The following FETUB variants were observed in gnomAD, a reference collection of about 807,000 sequenced individuals.
FETUB encodes the protein fetuin-B.
In FETUB, 28 loss-of-function variants were observed where a neutral mutation model predicts 30.9. The ratio of observed to expected loss-of-function variants is 0.90; its 90% CI spans 0.67 to 1.24. The LOEUF (loss-of-function observed/expected upper bound fraction) is 1.24. FETUB is among the 50% of genes most tolerant of loss of function. FETUB has a pLI of 0.00. For missense variants in FETUB, 469 were observed against 455.3 expected (o/e 1.03, Z -0.27); for synonymous variants, 186 against 175.9 (o/e 1.06, Z -0.45).
chr3:186,646,468 G>C (rs1394902841), intron 5 of FETUB, 119 bp downstream of exon 5: 17 of 752,532 alleles, frequency 2.3e-5, no homozygotes, highest in Non-Finnish European at 3.9e-5. Flanking sequence ...TCCCCTCAAG[G>C]AGCATCTGAC....
Position 186,651,463 on chromosome 3 carries a change from C to G in FETUB, c.780+162C>G, listed in dbSNP as rs1054291286. The stretch of plus-strand genomic sequence containing the variant: ...ATCCACAGGATAGCCAGTCAAAGAC[C>G]TGTTATGCCTTGTTTCAGTCGCAAT... On this transcript the variant is annotated intron_variant, in intron 6 of 6. Transcript: ENST00000265029. 9.7e-6 allele frequency: 6 copies of G among 619,404 alleles called. No homozygotes were observed. The South Asian group carries it at 1.1e-4, about 12-fold the overall frequency. 38.4% of individuals were successfully genotyped at this position (619,404 alleles called of 1,614,324 possible). A position where few individuals can be genotyped will look rare whatever the true frequency, so the allele number is the denominator to read the frequency against.
At chr3:186,646,730 T>C (rs926432246) in intron 5 of FETUB, among the ~76,000 whole-genome samples, 2 of 152,198 alleles carry the variant, frequency 1.3e-5, no homozygotes, top group Non-Finnish European at 2.9e-5. Flanking sequence ...AAGTATGCCT[T>C]GAAGTCATCT....
chr3:186,640,987 A>G (rs1021678959), intron 1 of FETUB, 43 bp from the exon 2 acceptor site: 2 of 1,292,472 alleles, frequency 1.5e-6, no homozygotes, highest in South Asian at 1.2e-5. Context: ...CTAGGTTTCT[A>G]CTTCCTGTGA....
intron 5 of FETUB, 73 bp downstream of exon 5, chr3:186,646,422 A>G (rs1392399629): frequency 5.3e-6 from 6 of 1,124,836 alleles, no homozygotes; most frequent in Admixed American, 1.7e-5. Context: ...AGCATAAATT[A>G]CATATGAGGT....
At chr3:186,644,543 T>C (rs901041115) in intron 3 of FETUB, among the ~76,000 whole-genome samples, 1 of 152,192 alleles carries the variant, frequency 6.6e-6, no homozygotes, top group African/African-American at 2.4e-5. Context: ...AGTAAATGTG[T>C]GTGAGGTGAA....
At position 186,651,253 on chromosome 3, in the gene FETUB, A is replaced by G; in HGVS notation, c.732A>G (p.Thr244=). 1 of 1,613,830 alleles carries G rather than the reference A, an allele frequency of 6.2e-7. No individual in the cohort carries two copies. The highest frequency in any genetic ancestry group is 1.1e-5 in the South Asian group (1 of 91,054). Reference sequence around the variant, plus strand: ...TTTGCAAAGGTTCTCTGACTCGAACACACTGGGAAAAGTTTGTCTCTGTGA... The same window carrying G: ...TTTGCAAAGGTTCTCTGACTCGAACGCACTGGGAAAAGTTTGTCTCTGTGA... The part of the protein sequence containing the change: ...VGLCKGSLTR[T]HWEKFVSVTC... Residue 244 remains threonine, a synonymous_variant, in exon 6 of 7, where the codon ACA becomes ACG. Transcript: ENST00000265029.
intron 5 of FETUB, among the ~76,000 whole-genome samples, chr3:186,650,686 A>C (rs1271634608): frequency 6.6e-6 from 1 of 152,178 alleles, no homozygotes; most frequent in African/African-American, 2.4e-5. Flanking sequence ...AAATCACTGC[A>C]GGTAACAAAT....
chr3:186,636,736 T>G (rs1022528268), upstream of FETUB, among the ~76,000 whole-genome samples: 1 of 152,206 alleles, frequency 6.6e-6, no homozygotes, highest in Non-Finnish European at 1.5e-5. Flanking sequence ...AGGAGACAGC[T>G]GCGAAAGTTG....
chr3:186,646,238 C>T lies in FETUB; in HGVS notation c.595-10C>T. On this transcript the variant is annotated splice_polypyrimidine_tract_variant and intron_variant, in intron 4 of 6. Transcript: ENST00000265029. The stretch of plus-strand genomic sequence containing the variant: ...TTGATTTTTATGTCTCAACTCTTGT[C>T]TCATAACAGTGGGTGGTCGGCCCTT... 3.1e-6 allele frequency: 5 copies of T among 1,596,490 alleles called. No individual in the cohort carries two copies. The highest frequency in any genetic ancestry group is 2.6e-6 in the Non-Finnish European group (3 of 1,164,538).
chr3:186,641,118 G>T lies in FETUB; in HGVS notation c.314G>T (p.Gly105Val). The change falls in exon 2 of 7, where the codon GGA becomes GTA. Residue 105 changes from glycine (G) to valine (V), a missense_variant. By Grantham distance (109) the Gly-to-Val change is moderately radical (BLOSUM62 -3). Coordinates refer to ENST00000265029, the MANE Select transcript of FETUB (RefSeq NM_014375.3). ...AGAAAGAAGGCATGGCAAGACTGTG[G>T]AATGAGGATATTTTTTGAATCAGTG... The part of the protein sequence containing the change: ...VLRKKAWQDC[G>V]MRIFFESVYG... 3 of 1,612,608 alleles carry T rather than the reference G, an allele frequency of 1.9e-6. No homozygotes were observed. The highest frequency in any genetic ancestry group is 2.5e-6 in the Non-Finnish European group (3 of 1,178,724).
At chr3:186,644,114 T>C (rs934757058) in intron 3 of FETUB, among the ~76,000 whole-genome samples, 10 of 152,340 alleles carry the variant, frequency 6.6e-5, no homozygotes, top group African/African-American at 2.4e-4. Context: ...CTTTATCACT[T>C]CCTTGTGTCG....
upstream of FETUB, among the ~76,000 whole-genome samples, chr3:186,636,628 C>T (rs771039448): frequency 6.6e-6 from 1 of 152,118 alleles, no homozygotes; most frequent in Admixed American, 6.6e-5. Context: ...AGATTCCAAA[C>T]ATAGGATACT....
upstream of FETUB, among the ~76,000 whole-genome samples, chr3:186,639,862 C>G (rs1012595458): frequency 3.9e-5 from 6 of 152,254 alleles, no homozygotes; most frequent in Non-Finnish European, 8.8e-5. Flanking sequence ...TAAGTAAAGT[C>G]ATTGTTTAAA....
rs1405973843 is a variant in FETUB, at chr3:186,652,711, C to T, written c.*80C>T. 1.8e-5 allele frequency: 27 copies of T among 1,485,522 alleles called. No individual in the cohort carries two copies. The highest frequency in any genetic ancestry group is 2.5e-4 in the Middle Eastern group (1 of 3,976). 92.0% of individuals were successfully genotyped at this position (1,485,522 alleles called of 1,614,324 possible). A position where few individuals can be genotyped will look rare whatever the true frequency, so the allele number is the denominator to read the frequency against. The stretch of plus-strand genomic sequence containing the variant: ...ATGGGGACGATGGACAGAGACAGAG[C>T]GTGCACACGTAGAGTGGCTAGTGAA... On this transcript the variant is annotated 3_prime_UTR_variant, in exon 7 of 7. Transcript: ENST00000265029.
chr3:186,644,756 A>G lies in FETUB; in HGVS notation c.430A>G (p.Lys144Glu). 1 of 1,591,134 alleles carries G rather than the reference A, an allele frequency of 6.3e-7. No individual in the cohort carries two copies. Among genetic ancestry groups the G allele is most frequent in the Non-Finnish European group, 8.5e-7 (1 of 1,173,538 alleles). The change falls in exon 4 of 7, where the codon AAA becomes GAA. Residue 144 changes from lysine (K) to glutamate (E), a missense_variant. Physicochemically the swap from Lys to Glu is moderately conservative, Grantham distance 56 (BLOSUM62 1). Transcript: ENST00000265029. ...AYNCTLRPVS[K>E]KKIYMTCPDC... ...TATGTTATTGGCATCAACAGTTTCA[A>G]AAAAAAAGATTTACATGACGTGCCC...
At chr3:186,643,972 TA>T (rs1249211994) in intron 3 of FETUB, among the ~76,000 whole-genome samples, 12 of 152,124 alleles carry the variant, frequency 7.9e-5, no homozygotes, top group Non-Finnish European at 1.8e-4. Context: ...TTTTTCTTCT[TA>T]AAAAAATATT....
intron 5 of FETUB, among the ~76,000 whole-genome samples, chr3:186,647,343 C>G (rs73185637): frequency 0.019 from 2,924 of 152,192 alleles, 51 homozygotes; most frequent in Non-Finnish European, 0.027. Context: ...CGAGTATATA[C>G]CTCAGAGTGG....
chr3:186,644,969 T>C (rs758157844), intron 4 of FETUB, 49 bp downstream of exon 4: 5 of 1,452,264 alleles, frequency 3.4e-6, no homozygotes, highest in Non-Finnish European at 4.7e-6. Flanking sequence ...CTCATAACTG[T>C]TGCTGTAGGT....
upstream of FETUB, among the ~76,000 whole-genome samples, chr3:186,637,403 G>A (rs1276545787): frequency 6.6e-6 from 1 of 152,150 alleles, no homozygotes; most frequent in East Asian, 1.9e-4. Context: ...GTCCCCTTAG[G>A]CCAAGACTTG....
Sources: gnomAD v4.1 joint callset for allele counts (sites outside exome capture counted in the v4.1 genomes callset) on GRCh38, gnomAD v4.1.1 for gene constraint, MANE v1.5 for transcripts, NCBI Gene and HGNC (gene_info 2026-07-23, HGNC 2026-07-21) for gene names.